RAB3C: variants seen among roughly 807,000 people sequenced by gnomAD.
The protein encoded by RAB3C is RAB3C, member RAS oncogene family.
In RAB3C, 17 loss-of-function variants were observed where a neutral mutation model predicts 26.4. That is an observed-to-expected ratio of 0.64 (90% CI 0.44 to 0.97). The LOEUF is 0.97. Among genes scored for constraint, RAB3C ranks in the 50% least tolerant of loss-of-function variants. RAB3C has a pLI of 0.00. For synonymous variants in RAB3C, 91 were observed against 95.9 expected (o/e 0.95, Z 0.30); for missense variants, 242 against 281.9 (o/e 0.86, Z 1.01).
chr5:58,693,354 A>C (rs1467364978), intron 2 of RAB3C, among the ~76,000 whole-genome samples: 2 of 143,622 alleles, frequency 1.4e-5, no homozygotes, highest in Non-Finnish European at 3.0e-5. Context: ...ATATATATAT[A>C]TATATATAAA....
intron 3 of RAB3C, among the ~76,000 whole-genome samples, chr5:58,755,122 A>G (rs1465790784): frequency 6.6e-6 from 1 of 152,224 alleles, no homozygotes; most frequent in East Asian, 1.9e-4. Context: ...TGAGGCTTGT[A>G]ACGAAGAGGG....
chr5:58,673,765 T>C (rs1487378031), intron 2 of RAB3C, among the ~76,000 whole-genome samples: 1 of 152,198 alleles, frequency 6.6e-6, no homozygotes, highest in Non-Finnish European at 1.5e-5. Flanking sequence ...GAAATACTTT[T>C]TGTGTATCTG....
chr5:58,721,784 A>G (rs1250800486), intron 2 of RAB3C, among the ~76,000 whole-genome samples: 1 of 151,760 alleles, frequency 6.6e-6, no homozygotes, highest in Non-Finnish European at 1.5e-5. Flanking sequence ...GTTTCTTACT[A>G]TATTTTCCCT....
At position 58,844,471 on chromosome 5, in the gene RAB3C, C is replaced by T. The variant is rs560524253; in HGVS notation, c.497-6693C>T. On this transcript the variant is annotated intron_variant, in intron 4 of 4. Coordinates refer to ENST00000282878, the MANE Select transcript of RAB3C (RefSeq NM_138453.4). The stretch of plus-strand genomic sequence containing the variant: ...TCAGGCAAATTGATCAAAAGCCTTA[C>T]CTCCCACTTCTCTTCCTAAAGCCTG... Among the ~76,000 whole-genome samples the T allele has an allele frequency of 6.6e-5, 10 of 152,300 alleles. No homozygotes were observed. In the South Asian group the frequency reaches 2.1e-3, roughly 32 times the overall value.
rs952528323 is a variant in RAB3C, at chr5:58,821,609, A to G, written c.372-3429A>G. Among the ~76,000 whole-genome samples, 80 of 152,330 alleles carry G rather than the reference A, an allele frequency of 5.3e-4. 1 individual carries two copies. The highest frequency in any genetic ancestry group is 1.9e-3 in the African/African-American group (77 of 41,566). On this transcript the variant is annotated intron_variant, in intron 3 of 4. Transcript: ENST00000282878. ...AATCTCACTGTTGCTAAGGGAATAT[A>G]TTATTAACTTAGGTATCAGAATTAG...
At position 58,856,966 on chromosome 5, in the gene RAB3C, G is replaced by A. The variant is rs143023482; in HGVS notation, c.*5615G>A. Reference sequence around the variant, plus strand: ...AGACGTGATGTGATACCGTTAGACTGTCCAAATGTACAACAATTTAATGGT... The same window carrying A: ...AGACGTGATGTGATACCGTTAGACTATCCAAATGTACAACAATTTAATGGT... On this transcript the variant is annotated 3_prime_UTR_variant, in exon 5 of 5. Coordinates refer to ENST00000282878, the MANE Select transcript of RAB3C (RefSeq NM_138453.4). 7 of 152,298 alleles carry A rather than the reference G, an allele frequency of 4.6e-5. No individual in the cohort carries two copies. Among genetic ancestry groups the A allele is most frequent in the Non-Finnish European group, 1.0e-4 (7 of 68,026 alleles). The allele number at this position is 152,298 out of a possible 1,614,324, so 9.4% of individuals were successfully genotyped here.
intron 4 of RAB3C, among the ~76,000 whole-genome samples, chr5:58,835,971 T>C (rs1372546104): frequency 6.6e-6 from 1 of 152,150 alleles, no homozygotes; most frequent in African/African-American, 2.4e-5. Flanking sequence ...TGTTATTTCC[T>C]TTCTCCCAGG....
At chr5:58,648,545 C>T (rs1229285225) in intron 2 of RAB3C, among the ~76,000 whole-genome samples, 1 of 152,122 alleles carries the variant, frequency 6.6e-6, no homozygotes, top group Non-Finnish European at 1.5e-5. Flanking sequence ...ACAAAATATT[C>T]TCCTGTTTCT....
At chr5:58,664,758 A>G (rs79459709) in intron 2 of RAB3C, among the ~76,000 whole-genome samples, 1,998 of 152,148 alleles carry the variant, frequency 0.013, 36 homozygotes, top group African/African-American at 0.045. Context: ...CCTGCAAACC[A>G]TCTAGTAGCT....
intron 2 of RAB3C, among the ~76,000 whole-genome samples, chr5:58,693,153 T>TAATTATATA (rs199725695): frequency 0.014 from 2,005 of 146,918 alleles, 46 homozygotes; most frequent in African/African-American, 0.045. Context: ...TATATTTGTA[T>TAATTATATA]AATTATATAA....
chr5:58,759,191 T>C (rs1449461219), intron 3 of RAB3C, among the ~76,000 whole-genome samples: 1 of 152,224 alleles, frequency 6.6e-6, no homozygotes, highest in Non-Finnish European at 1.5e-5. Flanking sequence ...CTGTAGTCAG[T>C]GTAATCACAG....
chr5:58,715,585 G>GC (rs1188329038), intron 2 of RAB3C, among the ~76,000 whole-genome samples: 4 of 151,992 alleles, frequency 2.6e-5, no homozygotes, highest in Non-Finnish European at 4.4e-5. Flanking sequence ...ATTGACTTTA[G>GC]TTTTTTGCAC....
At chr5:58,697,600 G>A (rs1371068336) in intron 2 of RAB3C, among the ~76,000 whole-genome samples, 1 of 152,012 alleles carries the variant, frequency 6.6e-6, no homozygotes, top group African/African-American at 2.4e-5. Context: ...TATGAATCTG[G>A]GTGCTCCTGT....
chr5:58,617,137 C>T (rs80248658), intron 1 of RAB3C, among the ~76,000 whole-genome samples: 11 of 152,044 alleles, frequency 7.2e-5, no homozygotes, highest in Non-Finnish European at 1.5e-4. Context: ...AGACACTGCC[C>T]TTTATGTTAG....
rs368267920 is a variant in RAB3C at position 58,796,984 on chromosome 5, T to TACACACACACACAC, written c.372-28041_372-28040insCACACACACACACA. Among the ~76,000 whole-genome samples the TACACACACACACAC allele has an allele frequency of 1.3e-3, 197 of 148,866 alleles. 4 individuals carry two copies. The highest frequency in any genetic ancestry group is 4.1e-3 in the African/African-American group (166 of 40,524). ...TTTCTACCTTTCATTTCTGACCCACTACACACACACACAGACACACACACA... is the reference window on the plus strand; with the variant it reads ...TTTCTACCTTTCATTTCTGACCCACTACACACACACACACACACACACACACAGACACACACACA... On this transcript the variant is annotated intron_variant, in intron 3 of 4. Transcript: ENST00000282878.
At chr5:58,720,781 G>A (rs972872473) in intron 2 of RAB3C, among the ~76,000 whole-genome samples, 5 of 151,674 alleles carry the variant, frequency 3.3e-5, no homozygotes, top group African/African-American at 9.7e-5. Context: ...CTCTGTCTAG[G>A]TATCCAATAA....
intron 3 of RAB3C, among the ~76,000 whole-genome samples, chr5:58,730,681 C>T (rs1740994155): frequency 6.6e-6 from 1 of 152,102 alleles, no homozygotes; most frequent in South Asian, 2.1e-4. Context: ...AGCTTGCTGA[C>T]TGTGATTTCT....
intron 3 of RAB3C, among the ~76,000 whole-genome samples, chr5:58,772,709 C>T (rs1482735680): frequency 6.6e-6 from 1 of 152,190 alleles, no homozygotes; most frequent in Non-Finnish European, 1.5e-5. Flanking sequence ...CTAACTATTC[C>T]AGATGACTGC....
intron 2 of RAB3C, among the ~76,000 whole-genome samples, chr5:58,628,359 T>C (rs1239071360): frequency 6.6e-6 from 1 of 152,000 alleles, no homozygotes. Context: ...AGGGAAGTAA[T>C]AAGGGAAGAT....
Sources: gnomAD v4.1 joint callset for allele counts (sites outside exome capture counted in the v4.1 genomes callset) on GRCh38, gnomAD v4.1.1 for gene constraint, MANE v1.5 for transcripts, NCBI Gene and HGNC (gene_info 2026-07-23, HGNC 2026-07-21) for gene names.